Variants in WNK2 observed in about 807,000 individuals in gnomAD.
The protein encoded by WNK2 is WNK lysine deficient protein kinase 2, also known as serine/threonine-protein kinase WNK2.
Under a neutral mutation model 192.1 loss-of-function variants are expected in WNK2, and 67 were observed. The observed-to-expected ratio is 0.35, with a 90% CI of 0.29 to 0.43. The LOEUF (loss-of-function observed/expected upper bound fraction) is 0.43, where lower values mean the gene tolerates loss of function less well. Among genes scored for constraint, WNK2 ranks in the 20% least tolerant of loss-of-function variants. WNK2 has a pLI of 1.00. For synonymous variants in WNK2, 1,439 were observed against 1,393.9 expected (o/e 1.03, Z -0.72); for missense variants, 2,698 against 3,089.7 (o/e 0.87, Z 3.01).
intron 27 of WNK2, 103 bp from the exon 28 acceptor site, chr9:93,308,225 G>A (rs1327979434): frequency 6.8e-7 from 1 of 1,474,208 alleles, no homozygotes; most frequent in African/African-American, 1.4e-5. Context: ...GCCCAAGTGA[G>A]ACCATTGTCT....
At position 93,293,111 on chromosome 9, in the gene WNK2, C is replaced by T. The variant is rs781322628; in HGVS notation, c.5646C>T (p.Ser1882=). The T allele has an allele frequency of 1.4e-5, 22 of 1,592,480 alleles. No individual in the cohort carries two copies. The highest frequency in any genetic ancestry group is 1.0e-4 in the South Asian group (9 of 88,352). ...SFHSQSSYIS[S]DNDSELEDAD... is the part of the protein sequence containing the mutation. The stretch of plus-strand genomic sequence containing the variant: ...ATTCCCAGTCGTCCTACATCAGCAG[C>T]GACAATGATTCGGAGCTCGAGGATG... The change falls in exon 23 of 30, where the codon AGC becomes AGT. Residue 1882 remains serine (S), a synonymous_variant. Coordinates refer to ENST00000427277, the MANE Select transcript of WNK2 (RefSeq NM_006648.4).
chr9:93,275,060 TAA>T (rs370798228), intron 19 of WNK2, among the ~76,000 whole-genome samples: 133,460 of 152,232 alleles, frequency 0.88, 59,694 homozygotes, highest in East Asian at 1. Context: ...AGCACTATAT[TAA>T]AAGGACAGTG....
chr9:93,210,491 G>A (rs1243360787), intron 2 of WNK2, among the ~76,000 whole-genome samples: 1 of 152,106 alleles, frequency 6.6e-6, no homozygotes, highest in Non-Finnish European at 1.5e-5. Flanking sequence ...TTGAACCCAG[G>A]TGCTGGGGAA....
chr9:93,297,096 CGGCTTCCTCCCCTT>C (rs1335347281), intron 23 of WNK2, among the ~76,000 whole-genome samples: 11 of 141,940 alleles, frequency 7.7e-5, no homozygotes, highest in South Asian at 7.2e-4. Context: ...TTCCTCCCCT[CGGCTTCCTCCCCTT>C]GGCGTCCTCC....
rs138117247 is a variant in WNK2 at position 93,305,494 on chromosome 9, G to A, written c.6215-1283G>A. Among the ~76,000 whole-genome samples the A allele has an allele frequency of 2.2e-4, 33 of 152,322 alleles. No homozygotes were observed. In the East Asian group the frequency reaches 6.4e-3, roughly 29 times the overall value. On this transcript the variant is annotated intron_variant, in intron 26 of 29. Coordinates refer to ENST00000427277, the MANE Select transcript of WNK2 (RefSeq NM_006648.4). The stretch of plus-strand genomic sequence containing the variant: ...GAGCCCACTGGTCTGGATCCCTCCC[G>A]CTGGGCTCCCTCCTTTTTATTAGAA...
In WNK2 at chr9:93,229,926, AGCTGAGGGTGAGGTCTTGGGCT is replaced by A; in HGVS notation, c.854+63_854+84del. ...CCTGGCATGGGTGCAGGGCTACCATAGCTGAGGGTGAGGTCTTGGGCTGCTGGGGTGGTCCTGGCTGGTGCCT... is the reference window on the plus strand; with the variant it reads ...CCTGGCATGGGTGCAGGGCTACCATAGCTGGGGTGGTCCTGGCTGGTGCCT... On this transcript the variant is annotated intron_variant, in intron 3 of 29. Coordinates refer to ENST00000427277, the MANE Select transcript of WNK2 (RefSeq NM_006648.4). The surrounding 1 kb of genome is among the most constrained non-coding windows in gnomAD (Gnocchi z 4.9). 1 of 1,579,160 alleles carries A rather than the reference AGCTGAGGGTGAGGTCTTGGGCT, an allele frequency of 6.3e-7. No individual in the cohort carries two copies. The highest frequency in any genetic ancestry group is 8.6e-7 in the Non-Finnish European group (1 of 1,160,416).
Position 93,192,127 on chromosome 9 carries a change from A to G in WNK2, c.681+6517A>G, listed in dbSNP as rs143708485. Among the ~76,000 whole-genome samples the G allele has an allele frequency of 3.2e-3, 486 of 152,084 alleles. 3 individuals are homozygous for G. The highest frequency in any genetic ancestry group is 0.011 in the African/African-American group (455 of 41,454). On this transcript the variant is annotated intron_variant, in intron 2 of 29. Transcript: ENST00000427277. ...TCAAGAGATTGAGGCCATCCTGGCC[A>G]ACATGGTGAAACCCCGTCTGTACTA...
intron 2 of WNK2, among the ~76,000 whole-genome samples, chr9:93,203,882 C>T (rs1212444992): frequency 2.6e-5 from 4 of 152,132 alleles, no homozygotes; most frequent in Non-Finnish European, 5.9e-5. Flanking sequence ...GTTACCCACG[C>T]AGCCCTGTGG....
At chr9:93,264,131 T>A in intron 16 of WNK2, 98 bp downstream of exon 16, 1 of 954,648 alleles carries the variant, frequency 1.0e-6, no homozygotes, top group Non-Finnish European at 1.6e-6. Context: ...TGGCCTTGTG[T>A]GGAGGTGTCG....
At chr9:93,205,897 C>A (rs1473710954) in intron 2 of WNK2, among the ~76,000 whole-genome samples, 1 of 152,084 alleles carries the variant, frequency 6.6e-6, no homozygotes, top group African/African-American at 2.4e-5. Context: ...AGGCTCCAGA[C>A]GTACTGGGGG....
rs972722321 is a variant in WNK2, at chr9:93,184,342, C to T, written c.-46C>T. ...AGCGTGATCTCTCCCGCCTCGCACG[C>T]CCTGGCCGCCGGGCCGCGGGCATGG... On this transcript the variant is annotated 5_prime_UTR_variant, in exon 1 of 30. Coordinates refer to ENST00000427277, the MANE Select transcript of WNK2 (RefSeq NM_006648.4). Among the ~76,000 whole-genome samples, 6 of 151,228 alleles carry T rather than the reference C, an allele frequency of 4.0e-5. No individual in the cohort carries two copies. The highest frequency in any genetic ancestry group is 7.4e-5 in the Non-Finnish European group (5 of 67,696).
At chr9:93,195,124 TG>T (rs1831008307) in intron 2 of WNK2, among the ~76,000 whole-genome samples, 1 of 152,180 alleles carries the variant, frequency 6.6e-6, no homozygotes, top group Non-Finnish European at 1.5e-5. Context: ...GATACTTTAC[TG>T]GTGAATACAT....
intron 19 of WNK2, among the ~76,000 whole-genome samples, chr9:93,283,054 AAAG>A (rs1257210592): frequency 6.6e-6 from 1 of 152,232 alleles, no homozygotes; most frequent in African/African-American, 2.4e-5. Context: ...CTCATTCGGC[AAAG>A]AAGAAATTAC....
At position 93,229,825 on chromosome 9, in the gene WNK2, A is replaced by C; in HGVS notation, c.811A>C (p.Ile271Leu). ...GTCCAGCGCCAAGGGCAAGCGGTGC[A>C]TTGTGCTGGTGACGGAGCTGATGAC... ...WESSAKGKRCIVLVTELMTSG... is the reference protein window; with the variant it reads ...WESSAKGKRCLVLVTELMTSG... The change falls in exon 3 of 30, where the codon ATT becomes CTT. Residue 271 changes from isoleucine (I) to leucine (L), a missense_variant. This residue lies in a region of WNK2 where 230 missense variants were observed against 501.1 expected (regional missense o/e 0.46). Coordinates refer to ENST00000427277, the MANE Select transcript of WNK2 (RefSeq NM_006648.4). The surrounding 1 kb of genome is among the most constrained non-coding windows in gnomAD (Gnocchi z 4.9). 6.2e-7 allele frequency: 1 copy of C among 1,613,930 alleles called. No individual in the cohort carries two copies. The highest frequency in any genetic ancestry group is 8.5e-7 in the Non-Finnish European group (1 of 1,179,882).
At position 93,319,465 on chromosome 9, in the gene WNK2, C is replaced by T. The variant is rs1325361040; in HGVS notation, c.6629-902C>T. 12 of 962,946 alleles carry T rather than the reference C, an allele frequency of 1.2e-5. No individual in the cohort carries two copies. In the Admixed American group the frequency reaches 6.8e-4, roughly 54 times the overall value. 59.7% of individuals were successfully genotyped at this position (962,946 alleles called of 1,614,324 possible). A position where few individuals can be genotyped will look rare whatever the true frequency, so the allele number is the denominator to read the frequency against. On this transcript the variant is annotated intron_variant, in intron 29 of 29. Coordinates refer to ENST00000427277, the MANE Select transcript of WNK2 (RefSeq NM_006648.4). ...GCCTGGGCCCCGAGCACGGTCAGCT[C>T]TGCTGGTCGGGTTAGCTGGCTGGGC... is the stretch of plus-strand genomic sequence containing the variant.
chr9:93,305,718 C>T (rs1186725067), intron 26 of WNK2, among the ~76,000 whole-genome samples: 1 of 152,254 alleles, frequency 6.6e-6, no homozygotes, highest in Non-Finnish European at 1.5e-5. Context: ...AGAAGGAAGG[C>T]AGACGTTGCC....
intron 2 of WNK2, among the ~76,000 whole-genome samples, chr9:93,202,907 G>C (rs1832737065): frequency 6.6e-6 from 1 of 152,136 alleles, no homozygotes; most frequent in Non-Finnish European, 1.5e-5. Context: ...TGCTAGGGTA[G>C]ACCTCACCCT....
intron 21 of WNK2, among the ~76,000 whole-genome samples, chr9:93,291,862 C>T (rs986360954): frequency 2.6e-5 from 4 of 152,142 alleles, no homozygotes; most frequent in African/African-American, 7.2e-5. Flanking sequence ...TGGAGAGCAC[C>T]GGAATAGCTG....
intron 2 of WNK2, among the ~76,000 whole-genome samples, chr9:93,195,387 A>G (rs748265635): frequency 9.2e-5 from 14 of 152,166 alleles, no homozygotes; most frequent in Non-Finnish European, 1.5e-5. Context: ...TAAAAATGCA[A>G]CAGCTACATT....
Sources: allele counts gnomAD v4.1 joint callset (sites outside exome capture counted in the v4.1 genomes callset), GRCh38; gene constraint gnomAD v4.1.1; regional missense constraint gnomAD v4.1.1; non-coding constraint Gnocchi (gnomAD v3.1); transcripts MANE v1.5; gene names NCBI Gene and HGNC (gene_info 2026-07-23, HGNC 2026-07-21).